HM13: variants seen among roughly 807,000 people sequenced by gnomAD.
HM13 encodes the protein histocompatibility minor 13, also known as signal peptide peptidase.
Under a neutral mutation model 50.0 loss-of-function variants are expected in HM13, and 18 were observed. That is an observed-to-expected ratio of 0.36 (90% CI 0.25 to 0.53). The LOEUF is 0.53. Among genes scored for constraint, HM13 ranks in the 20% least tolerant of loss-of-function variants. HM13 has a pLI of 0.90. For synonymous variants in HM13, 197 were observed against 232.6 expected (o/e 0.85, Z 1.39); for missense variants, 393 against 552.4 (o/e 0.71, Z 2.89).
intron 2 of HM13, chr20:31,527,993 A>T (rs1192053714): frequency 6.4e-6 from 1 of 155,102 alleles, no homozygotes; most frequent in African/African-American, 2.4e-5. Flanking sequence ...GTAAAAAGGG[A>T]AAAACAGCAG....
intron 3 of HM13, chr20:31,538,643 G>C (rs1030538698): frequency 1.0e-4 from 122 of 1,166,364 alleles, no homozygotes; most frequent in Middle Eastern, 7.0e-4. Flanking sequence ...ATCGTGTTTC[G>C]TAAGGAGCCA....
intron 2 of HM13, among the ~76,000 whole-genome samples, chr20:31,534,274 C>G (rs1481183848): frequency 1.3e-5 from 2 of 152,072 alleles, no homozygotes; most frequent in African/African-American, 4.8e-5. Flanking sequence ...CTCACATGTT[C>G]TAGAGAAGGA....
At chr20:31,564,495 T>C (rs1984783910) in intron 10 of HM13, among the ~76,000 whole-genome samples, 1 of 151,900 alleles carries the variant, frequency 6.6e-6, no homozygotes, top group Non-Finnish European at 1.5e-5. Context: ...GAGGATCACT[T>C]GAGCCCAGGA....
intron 9 of HM13, among the ~76,000 whole-genome samples, chr20:31,560,777 A>G (rs1984557369): frequency 6.6e-6 from 1 of 152,234 alleles, no homozygotes; most frequent in South Asian, 2.1e-4. Flanking sequence ...TCCCAAAGGG[A>G]GTCACTTGTA....
intron 1 of HM13, among the ~76,000 whole-genome samples, chr20:31,519,248 C>A (rs111398752): frequency 6.6e-6 from 1 of 152,186 alleles, no homozygotes; most frequent in African/African-American, 2.4e-5. Context: ...ATTGCAGGCA[C>A]CTGCCATCAT....
chr20:31,529,056 A>C (rs1982658503), intron 2 of HM13, among the ~76,000 whole-genome samples: 1 of 152,202 alleles, frequency 6.6e-6, no homozygotes, highest in Non-Finnish European at 1.5e-5. Context: ...CCTGGAGTGC[A>C]CTGGTGCAAT....
chr20:31,546,135 C>T (rs1296826029), intron 4 of HM13, among the ~76,000 whole-genome samples: 1 of 151,526 alleles, frequency 6.6e-6, no homozygotes, highest in African/African-American at 2.4e-5. Context: ...CTGCAAGCTC[C>T]ACCCCCTGGG....
At chr20:31,518,326 C>A (rs184357487) in intron 1 of HM13, among the ~76,000 whole-genome samples, 11 of 150,424 alleles carry the variant, frequency 7.3e-5, no homozygotes, top group African/African-American at 2.7e-4. Flanking sequence ...TGAGCCACCG[C>A]GCCCAGCAAT....
At chr20:31,550,442 G>A in intron 7 of HM13, 1 of 298,790 alleles carries the variant, frequency 3.3e-6, no homozygotes, top group Non-Finnish European at 6.5e-6. Context: ...TCTAAGCCGA[G>A]ACCCCTCACT....
At chr20:31,547,298 G>A in intron 4 of HM13, 1 of 262,418 alleles carries the variant, frequency 3.8e-6, no homozygotes, top group Non-Finnish European at 7.3e-6. Context: ...GCCAAGCGCA[G>A]TCGTGACGTG....
chr20:31,531,121 T>G (rs1238167267), intron 2 of HM13, among the ~76,000 whole-genome samples: 1 of 152,124 alleles, frequency 6.6e-6, no homozygotes, highest in East Asian at 1.9e-4. Flanking sequence ...CTCGGCTCAC[T>G]GCAACCTCCA....
intron 3 of HM13, 34 bp from the exon 4 acceptor site, chr20:31,544,913 T>G (rs1184369356): frequency 2.5e-6 from 4 of 1,586,274 alleles, no homozygotes; most frequent in Non-Finnish European, 3.5e-6. Context: ...CCATGGGGGC[T>G]CTGTTTGCCG....
chr20:31,546,241 G>T (rs1254676684), intron 4 of HM13, among the ~76,000 whole-genome samples: 2 of 151,362 alleles, frequency 1.3e-5, no homozygotes, highest in African/African-American at 4.8e-5. Context: ...TAGTAGAGAC[G>T]GGGTTTCACC....
chr20:31,547,599 A>G, intron 4 of HM13: 1 of 1,563,944 alleles, frequency 6.4e-7, no homozygotes, highest in South Asian at 1.2e-5. Flanking sequence ...TGGTAGAGCA[A>G]TTTCCAGGTA....
At chr20:31,558,071 G>C (rs1158557652) in intron 8 of HM13, among the ~76,000 whole-genome samples, 3 of 152,248 alleles carry the variant, frequency 2.0e-5, no homozygotes, top group Non-Finnish European at 4.4e-5. Context: ...CCCAGTAAGG[G>C]AGGCGACACA....
chr20:31,545,208 G>A (rs1037660821), intron 4 of HM13, among the ~76,000 whole-genome samples, 173 bp downstream of exon 4: 1 of 152,182 alleles, frequency 6.6e-6, no homozygotes, highest in Non-Finnish European at 1.5e-5. Context: ...GGGACCCTGG[G>A]TGAACGCCTT....
chr20:31,568,575 T>G (rs6120719), intron 12 of HM13, among the ~76,000 whole-genome samples: 46,364 of 152,194 alleles, frequency 0.3, 11,538 homozygotes, highest in African/African-American at 0.69. Context: ...TCACGGGGTT[T>G]ATCTGGTGAG....
At position 31,548,886 on chromosome 20, in the gene HM13, A is replaced by C. The variant is rs533690187; in HGVS notation, c.455-143A>C. ...GCTCTCCCCTTCTGAAACTCATACT[A>C]ATCTGGGGCAGCCAAGGCTTAGCCC... On this transcript the variant is annotated intron_variant, in intron 4 of 12. Coordinates refer to ENST00000398174, the MANE Select transcript of HM13 (RefSeq NM_178581.3). 118 of 747,770 alleles carry C rather than the reference A, an allele frequency of 1.6e-4. No homozygotes were observed. The Middle Eastern group carries it at 1.9e-3, about 12-fold the overall frequency. The allele number at this position is 747,770 out of a possible 1,614,324, so 46.3% of individuals were successfully genotyped here. A position where few individuals can be genotyped will look rare whatever the true frequency, so the allele number is the denominator to read the frequency against.
chr20:31,544,911 G>T, intron 3 of HM13, 36 bp from the exon 4 acceptor site: 2 of 1,571,078 alleles, frequency 1.3e-6, no homozygotes, highest in Non-Finnish European at 1.8e-6. Flanking sequence ...GCCCATGGGG[G>T]CTCTGTTTGC....
Sources: allele counts gnomAD v4.1 joint callset (sites outside exome capture counted in the v4.1 genomes callset), GRCh38; gene constraint gnomAD v4.1.1; transcripts MANE v1.5; gene names NCBI Gene and HGNC (gene_info 2026-07-23, HGNC 2026-07-21).